The following DOCK4 variants were observed in gnomAD, a reference collection of about 807,000 sequenced individuals.
The protein encoded by DOCK4 is dedicator of cytokinesis protein 4.
In DOCK4, 97 loss-of-function variants were observed where a neutral mutation model predicts 268.1. The observed-to-expected ratio is 0.36, with a 90% confidence interval of 0.31 to 0.43. DOCK4 has a LOEUF of 0.43. Among genes scored for constraint, DOCK4 ranks in the 20% least tolerant of loss-of-function variants. The pLI is 1.00. For missense variants in DOCK4, 2,145 were observed against 2,455.7 expected (o/e 0.87, Z 2.67); for synonymous variants, 954 against 887.2 (o/e 1.08, Z -1.34).
chr7:111,926,120 A>AAAAGAAAGAAAGAAAG (rs71524823), intron 12 of DOCK4, among the ~76,000 whole-genome samples: 44 of 135,194 alleles, frequency 3.3e-4, no homozygotes, highest in African/African-American at 1.3e-3. Context: ...GAGAAAGAGA[A>AAAAGAAAGAAAGAAAG]AAAGAAAGAA....
At chr7:111,926,932 A>G (rs1270112713) in intron 12 of DOCK4, among the ~76,000 whole-genome samples, 1 of 152,168 alleles carries the variant, frequency 6.6e-6, no homozygotes, top group Non-Finnish European at 1.5e-5. Flanking sequence ...AGAACGGAGG[A>G]AGGAAGACAG....
At chr7:111,934,523 G>GTTTTTTTTTTTTTTTTTTTTTTTTTTT (rs1183672033) in intron 12 of DOCK4, among the ~76,000 whole-genome samples, 1 of 83,874 alleles carries the variant, frequency 1.2e-5, no homozygotes, top group African/African-American at 4.0e-5. Flanking sequence ...TTTTGTTTTT[G>GTTTTTTTTTTTTTTTTTTTTTTTTTTT]TTTTTTTTTT....
At chr7:111,926,073 G>A (rs919589043) in intron 12 of DOCK4, among the ~76,000 whole-genome samples, 3 of 144,638 alleles carry the variant, frequency 2.1e-5, no homozygotes, top group South Asian at 2.2e-4. Context: ...CCAGCCTGGC[G>A]ACAGAGCGAG....
Position 111,735,003 on chromosome 7 carries a change from C to CAAT in DOCK4, c.5419+48_5419+50dup. The CAAT allele has an allele frequency of 5.0e-6, 7 of 1,393,452 alleles. No homozygotes were observed. In the South Asian group the frequency reaches 8.7e-5, roughly 17 times the overall value. The allele number at this position is 1,393,452 out of a possible 1,614,324, so 86.3% of individuals were successfully genotyped here. A position where few individuals can be genotyped will look rare whatever the true frequency, so the allele number is the denominator to read the frequency against. ...GGAATTCAGGACAAACTGGAGTAGT[C>CAAT]AATAAAAGTTATTTTATAAAAGTGA... On this transcript the variant is annotated intron_variant, in intron 51 of 52. Coordinates refer to ENST00000428084, the MANE Select transcript of DOCK4 (RefSeq NM_001363540.2).
intron 1 of DOCK4, among the ~76,000 whole-genome samples, chr7:112,150,985 T>C (rs1043751699): frequency 1.3e-5 from 2 of 152,146 alleles, no homozygotes; most frequent in Admixed American, 6.5e-5. Flanking sequence ...AGTTTTCTGG[T>C]TATTAAGTGG....
chr7:112,050,604 TA>T (rs1308591458), intron 1 of DOCK4, among the ~76,000 whole-genome samples: 1 of 152,116 alleles, frequency 6.6e-6, no homozygotes, highest in Non-Finnish European at 1.5e-5. Flanking sequence ...AATACGTTTT[TA>T]GACAAAATTC....
intron 30 of DOCK4, among the ~76,000 whole-genome samples, chr7:111,791,057 C>CAA (rs1167180937): frequency 1.6e-5 from 1 of 62,814 alleles, no homozygotes; most frequent in African/African-American, 7.2e-5. Context: ...GACTCTGTCT[C>CAA]AAAAAAAAAA....
Position 111,877,071 on chromosome 7 carries a change from C to T in DOCK4, c.1703G>A (p.Cys568Tyr). 2 of 1,574,524 alleles carry T rather than the reference C, an allele frequency of 1.3e-6. No homozygotes were observed. Among genetic ancestry groups the T allele is most frequent in the South Asian group, 1.2e-5 (1 of 83,794 alleles). ...TGTGGAACAGAGAAAAGATGTAATA[C>T]AAAAGGACTCCTTTGTGGCCTTCAT... ...QAMKATKESF[C>Y]ITSFLCSTKL... The change falls in exon 17 of 53, where the codon TGT becomes TAT. Residue 568 changes from cysteine (C) to tyrosine (Y), a missense_variant. Transcript: ENST00000428084.
At chr7:111,792,670 G>A (rs1220051492) in intron 30 of DOCK4, among the ~76,000 whole-genome samples, 4 of 152,086 alleles carry the variant, frequency 2.6e-5, no homozygotes, top group South Asian at 2.1e-4. Flanking sequence ...GGCGTGAGCC[G>A]CTGCGCCTGG....
intron 8 of DOCK4, among the ~76,000 whole-genome samples, chr7:111,950,946 G>A (rs1224358573): frequency 3.3e-5 from 5 of 152,182 alleles, no homozygotes; most frequent in Non-Finnish European, 7.3e-5. Context: ...ACTGAGAAAT[G>A]AGAGTTGGTA....
In DOCK4 at chr7:112,095,771, T is replaced by C. The variant is rs76798023; in HGVS notation, c.38-91640A>G. 1.8e-4 allele frequency among the ~76,000 whole-genome samples: 25 copies of C among 142,612 alleles called. No individual in the cohort carries two copies. The East Asian group carries it at 2.9e-3, about 17-fold the overall frequency. The allele number at this position is 142,612 out of a possible 152,430, so 93.6% of individuals were successfully genotyped here. A position where few individuals can be genotyped will look rare whatever the true frequency, so the allele number is the denominator to read the frequency against. ...AGTGTGCTTTGTAATAAAATAAAAATAAAAAATAAATGGGTATAATGTCTT... is the reference window on the plus strand; with the variant it reads ...AGTGTGCTTTGTAATAAAATAAAAACAAAAAATAAATGGGTATAATGTCTT... On this transcript the variant is annotated intron_variant, in intron 1 of 52. Coordinates refer to ENST00000428084, the MANE Select transcript of DOCK4 (RefSeq NM_001363540.2).
At chr7:111,912,265 TAAAACAA>T (rs1414856668) in intron 13 of DOCK4, among the ~76,000 whole-genome samples, 1 of 152,232 alleles carries the variant, frequency 6.6e-6, no homozygotes, top group Non-Finnish European at 1.5e-5. Flanking sequence ...AGACCTCATT[TAAAACAA>T]ATACTGTCAA....
Position 111,742,106 on chromosome 7 carries a change from G to A in DOCK4, c.4704C>T (p.Ala1568=), listed in dbSNP as rs1422251011. The part of the protein sequence containing the change: ...EQAQILEFGL[A]VHEKFVPQDM... Reference sequence around the variant, plus strand: ...CTTGAGGTACAAACTTCTCATGCACGGCCAAACCAAATTCCAGAATCTGTG... The same window carrying A: ...CTTGAGGTACAAACTTCTCATGCACAGCCAAACCAAATTCCAGAATCTGTG... Residue 1568 remains alanine, a synonymous_variant, in exon 45 of 53, where the codon GCC becomes GCT. Transcript: ENST00000428084. The A allele has an allele frequency of 1.3e-6, 2 of 1,596,362 alleles. No individual in the cohort carries two copies. The highest frequency in any genetic ancestry group is 2.3e-5 in the East Asian group (1 of 44,396).
chr7:112,071,558 T>C (rs1234228572), intron 1 of DOCK4, among the ~76,000 whole-genome samples: 1 of 152,238 alleles, frequency 6.6e-6, no homozygotes, highest in Non-Finnish European at 1.5e-5. Flanking sequence ...TAAAAAGTCC[T>C]ATTATTACTC....
rs1795618827 is a variant in DOCK4 at position 111,946,350 on chromosome 7, A to G, written c.702-552T>C. Among the ~76,000 whole-genome samples, 4 of 152,258 alleles carry G rather than the reference A, an allele frequency of 2.6e-5. 1 individual carries two copies. In the South Asian group the frequency reaches 8.3e-4, roughly 32 times the overall value. ...GAAGATCTCAAACTACCCCCACTAA[A>G]CTTGCATTTGAAAATACAGTGCCAC... On this transcript the variant is annotated intron_variant, in intron 8 of 52. Coordinates refer to ENST00000428084, the MANE Select transcript of DOCK4 (RefSeq NM_001363540.2).
rs190078115 is a variant in DOCK4, at chr7:112,018,926, A to C, written c.38-14795T>G. On this transcript the variant is annotated intron_variant, in intron 1 of 52. Coordinates refer to ENST00000428084, the MANE Select transcript of DOCK4 (RefSeq NM_001363540.2). Reference sequence around the variant, plus strand: ...TCCATCTATTGCAGTTCTTTGGTTCAAATGATAATTTTGCATTTGTTTTTA... The same window carrying C: ...TCCATCTATTGCAGTTCTTTGGTTCCAATGATAATTTTGCATTTGTTTTTA... 4.7e-3 allele frequency among the ~76,000 whole-genome samples: 719 copies of C among 152,324 alleles called. 3 individuals carry two copies. Among genetic ancestry groups the C allele is most frequent in the South Asian group, 0.015 (70 of 4,818 alleles).
chr7:112,005,204 T>A (rs115755070), intron 1 of DOCK4, among the ~76,000 whole-genome samples: 7 of 152,254 alleles, frequency 4.6e-5, no homozygotes, highest in African/African-American at 1.4e-4. Context: ...ATAACTCCAA[T>A]CCCCAAAATA....
chr7:111,782,792 A>G lies in DOCK4; in HGVS notation c.3585+72T>C, dbSNP rs910282369. ...ATCACATTGCAGATTAAACACAAAC[A>G]AAACATAGTATTTCTGGGAAAAAAA... On this transcript the variant is annotated intron_variant, in intron 35 of 52. Coordinates refer to ENST00000428084, the MANE Select transcript of DOCK4 (RefSeq NM_001363540.2). 5 of 1,463,108 alleles carry G rather than the reference A, an allele frequency of 3.4e-6. No individual in the cohort carries two copies. The South Asian group carries it at 5.7e-5, about 17-fold the overall frequency. The allele number at this position is 1,463,108 out of a possible 1,614,324, so 90.6% of individuals were successfully genotyped here.
intron 30 of DOCK4, among the ~76,000 whole-genome samples, chr7:111,805,199 A>C (rs1375815651): frequency 2.0e-5 from 3 of 152,320 alleles, no homozygotes; most frequent in Non-Finnish European, 4.4e-5. Context: ...CTAGGGCTGA[A>C]GCATGAACTA....
Sources: allele counts gnomAD v4.1 joint callset (sites outside exome capture counted in the v4.1 genomes callset), GRCh38; gene constraint gnomAD v4.1.1; transcripts MANE v1.5; gene names NCBI Gene and HGNC (gene_info 2026-07-23, HGNC 2026-07-21).